SCML4: variants seen among roughly 807,000 people sequenced by gnomAD.
SCML4 encodes the protein Scm polycomb group protein like 4.
Under a neutral mutation model 41.1 loss-of-function variants are expected in SCML4, and 34 were observed. The observed-to-expected ratio is 0.83, with a 90% CI of 0.63 to 1.10. The LOEUF (loss-of-function observed/expected upper bound fraction) is 1.10, where lower values mean the gene tolerates loss of function less well. SCML4 is among the 50% of genes least tolerant of loss of function. SCML4 has a pLI of 0.00. For missense variants in SCML4, 522 were observed against 534.1 expected (o/e 0.98, Z 0.22); for synonymous variants, 214 against 220.9 (o/e 0.97, Z 0.28).
At chr6:107,824,750 C>G (rs974542021), upstream of SCML4, among the ~76,000 whole-genome samples, 1 of 152,116 alleles carries the variant, frequency 6.6e-6, no homozygotes, top group Non-Finnish European at 1.5e-5. Context: ...AATCCTGCAG[C>G]AGTGTGGGCC....
intron 1 of SCML4, among the ~76,000 whole-genome samples, chr6:107,792,495 G>A (rs1470542231): frequency 1.3e-5 from 2 of 152,138 alleles, no homozygotes; most frequent in African/African-American, 4.8e-5. Flanking sequence ...ACTTTAGGAG[G>A]CCGAGGCAGG....
intron 5 of SCML4, among the ~76,000 whole-genome samples, chr6:107,731,745 A>G (rs1462104184): frequency 6.6e-6 from 1 of 152,248 alleles, no homozygotes; most frequent in Non-Finnish European, 1.5e-5. Flanking sequence ...AGAGATTCCT[A>G]GCCCTGAAAC....
chr6:107,802,680 C>G, intron 1 of SCML4, among the ~76,000 whole-genome samples: 1 of 41,168 alleles, frequency 2.4e-5, no homozygotes, highest in South Asian at 7.0e-4. Flanking sequence ...CCTCCTCTCC[C>G]TCTCCCTCCC....
chr6:107,807,742 A>C (rs1421530817), intron 1 of SCML4, among the ~76,000 whole-genome samples: 2 of 152,226 alleles, frequency 1.3e-5, no homozygotes. Context: ...CCCGCAGAGC[A>C]CATAAACTTT....
the SCML4 span, among the ~76,000 whole-genome samples, chr6:107,840,969 G>A: frequency 9.9e-4 from 151 of 151,944 alleles, no homozygotes; most frequent in Non-Finnish European, 1.5e-3. Flanking sequence ...AGTACATGAA[G>A]ATTCTAGAGA....
At chr6:107,787,243 T>G (rs1461892164) in intron 1 of SCML4, among the ~76,000 whole-genome samples, 1 of 152,178 alleles carries the variant, frequency 6.6e-6, no homozygotes, top group Non-Finnish European at 1.5e-5. Context: ...GGGCATGAAA[T>G]AACCGGGTGA....
intron 6 of SCML4, among the ~76,000 whole-genome samples, chr6:107,711,816 CG>C (rs1202654388): frequency 1.3e-5 from 2 of 152,140 alleles, no homozygotes; most frequent in African/African-American, 4.8e-5. Context: ...CTTTAGATCT[CG>C]GGGCACAGTG....
rs549488430 is a variant in SCML4 at position 107,779,048 on chromosome 6, C to T, written c.-59-6662G>A. Among the ~76,000 whole-genome samples, 9 of 152,100 alleles carry T rather than the reference C, an allele frequency of 5.9e-5. No individual in the cohort carries two copies. The East Asian group carries it at 1.2e-3, about 20-fold the overall frequency. ...ACAAAACATTAGCCGGGCGTGGTGG[C>T]GGGCGCCTGTAGTCCCAGCTACTCC... On this transcript the variant is annotated intron_variant, in intron 1 of 7. Coordinates refer to ENST00000369020, the MANE Select transcript of SCML4 (RefSeq NM_198081.5).
intron 1 of SCML4, among the ~76,000 whole-genome samples, chr6:107,773,666 C>G (rs1780697472): frequency 6.7e-6 from 1 of 148,990 alleles, no homozygotes; most frequent in East Asian, 2.0e-4. Flanking sequence ...GGTAGTTGAT[C>G]AAACTTGACT....
In SCML4 at chr6:107,772,188, C is replaced by T. The variant is rs1450075574; in HGVS notation, c.140G>A (p.Arg47Gln). ...GAGCCGTACCTTGTACCCGGGTTTC[C>T]GCCCTCTTTTCTTTGGGATCTTCAC... is the stretch of plus-strand genomic sequence containing the variant. ...PAVKIPKKRG[R>Q]KPGYKIKSRV... The change falls in exon 2 of 8, where the codon CGG (arginine) becomes CAG (glutamine). Residue 47 changes from arginine (R) to glutamine (Q), a missense_variant. Coordinates refer to ENST00000369020, the MANE Select transcript of SCML4 (RefSeq NM_198081.5). 4 of 1,550,590 alleles carry T rather than the reference C, an allele frequency of 2.6e-6. No individual in the cohort carries two copies. The highest frequency in any genetic ancestry group is 2.6e-6 in the Non-Finnish European group (3 of 1,146,548).
chr6:107,764,920 T>C (rs751720967), intron 2 of SCML4, among the ~76,000 whole-genome samples: 4 of 152,340 alleles, frequency 2.6e-5, no homozygotes, highest in Middle Eastern at 3.4e-3. Context: ...ATATAAGACA[T>C]ACTTTTCGCT....
At chr6:107,724,307 G>A (rs905680896) in intron 5 of SCML4, among the ~76,000 whole-genome samples, 4 of 152,158 alleles carry the variant, frequency 2.6e-5, no homozygotes, top group African/African-American at 9.7e-5. Flanking sequence ...GTTCCAGCCA[G>A]TGCAATTAGG....
At chr6:107,756,038 G>A (rs1383201887) in intron 2 of SCML4, among the ~76,000 whole-genome samples, 1 of 152,166 alleles carries the variant, frequency 6.6e-6, no homozygotes, top group African/African-American at 2.4e-5. Context: ...GACATAAATA[G>A]GTGGTTGACT....
intron 2 of SCML4, among the ~76,000 whole-genome samples, chr6:107,765,532 G>C (rs1779964061): frequency 6.6e-6 from 1 of 152,172 alleles, no homozygotes; most frequent in Non-Finnish European, 1.5e-5. Flanking sequence ...AAAAATTACA[G>C]TATATACACT....
At chr6:107,727,983 T>C (rs1482540982) in intron 5 of SCML4, among the ~76,000 whole-genome samples, 1 of 152,334 alleles carries the variant, frequency 6.6e-6, no homozygotes, top group South Asian at 2.1e-4. Context: ...TAAATATTTA[T>C]TGAGTAAACA....
intron 1 of SCML4, among the ~76,000 whole-genome samples, chr6:107,778,997 C>T (rs6903855): frequency 0.02 from 3,080 of 151,924 alleles, 116 homozygotes; most frequent in African/African-American, 0.071. Context: ...TGGCTAACAC[C>T]GTGAAACCCC....
At chr6:107,738,831 G>A (rs544638433) in intron 5 of SCML4, among the ~76,000 whole-genome samples, 2 of 152,088 alleles carry the variant, frequency 1.3e-5, no homozygotes, top group East Asian at 1.9e-4. Context: ...CCTCCAGCCC[G>A]GAGCTGTCAG....
intron 5 of SCML4, among the ~76,000 whole-genome samples, chr6:107,744,439 T>C (rs1030592142): frequency 8.5e-5 from 13 of 152,222 alleles, no homozygotes; most frequent in East Asian, 5.8e-4. Flanking sequence ...ATTTAATATA[T>C]GGCCCCGTCA....
At chr6:107,808,698 A>G (rs1783928672) in intron 1 of SCML4, among the ~76,000 whole-genome samples, 1 of 152,202 alleles carries the variant, frequency 6.6e-6, no homozygotes, top group Admixed American at 6.5e-5. Flanking sequence ...GGAAGGGCAA[A>G]AGGCTCATGT....
Sources: allele counts gnomAD v4.1 joint callset (sites outside exome capture counted in the v4.1 genomes callset), GRCh38; gene constraint gnomAD v4.1.1; transcripts MANE v1.5; gene names NCBI Gene and HGNC (gene_info 2026-07-23, HGNC 2026-07-21).